Variants in FAM149B1 observed in about 807,000 individuals in gnomAD.
The protein encoded by FAM149B1 is family with sequence similarity 149 member B1.
Under a neutral mutation model 75.3 loss-of-function variants are expected in FAM149B1, and 56 were observed. The ratio of observed to expected loss-of-function variants is 0.74; its 90% confidence interval spans 0.60 to 0.93. FAM149B1 has a LOEUF of 0.93. Among genes scored for constraint, FAM149B1 ranks in the 40% least tolerant of loss-of-function variants. The pLI is 0.00. For synonymous variants in FAM149B1, 259 were observed against 256.1 expected, an observed-to-expected ratio of 1.01 and a Z score of -0.11; for missense variants, 639 against 708.4, an observed-to-expected ratio of 0.90 and a Z score of 1.11.
chr10:73,210,244 G>C lies in FAM149B1; in HGVS notation c.711-7G>C, dbSNP rs1457170621. 1 of 1,547,214 alleles carries C rather than the reference G, an allele frequency of 6.5e-7. No homozygotes were observed. The highest frequency in any genetic ancestry group is 2.0e-5 in the Admixed American group (1 of 50,912). ...CATGAAGTCTTTCCTTCTTGCTTCT[G>C]TTACAGAGAAGAGGGATTTCATGGG... On this transcript the variant is annotated splice_polypyrimidine_tract_variant and splice_region_variant and intron_variant, in intron 6 of 13. Coordinates refer to ENST00000242505, the MANE Select transcript of FAM149B1 (RefSeq NM_173348.2).
At chr10:73,234,648 A>G (rs2043781752) in intron 10 of FAM149B1, 169 bp from the exon 11 acceptor site, 3 of 702,460 alleles carry the variant, frequency 4.3e-6, no homozygotes, top group Non-Finnish European at 6.9e-6. Context: ...ACTATTTTAA[A>G]AACTAATTTT....
rs765205570 is a variant in FAM149B1, at chr10:73,235,180, G to T, written c.1477-13G>T. The stretch of plus-strand genomic sequence containing the variant: ...AGTTTTCACTGTTTCTGTAACTTTT[G>T]TCTCCTCTGCAGAAACCCCATGGCG... On this transcript the variant is annotated splice_polypyrimidine_tract_variant and intron_variant, in intron 11 of 13. Coordinates refer to ENST00000242505, the MANE Select transcript of FAM149B1 (RefSeq NM_173348.2). 2.6e-6 allele frequency: 4 copies of T among 1,551,154 alleles called. No individual in the cohort carries two copies. The highest frequency in any genetic ancestry group is 3.5e-6 in the Non-Finnish European group (4 of 1,146,644).
intron 3 of FAM149B1, among the ~76,000 whole-genome samples, chr10:73,182,819 AC>A (rs1425705470): frequency 6.6e-6 from 1 of 152,214 alleles, no homozygotes; most frequent in East Asian, 1.9e-4. Flanking sequence ...TTCCTGACCC[AC>A]ATAAACCCGG....
chr10:73,173,563 T>C (rs1843807594), intron 1 of FAM149B1, among the ~76,000 whole-genome samples: 1 of 152,222 alleles, frequency 6.6e-6, no homozygotes, highest in Non-Finnish European at 1.5e-5. Flanking sequence ...TGTACCATTA[T>C]ATAAATGGCC....
intron 9 of FAM149B1, among the ~76,000 whole-genome samples, chr10:73,231,733 T>A (rs7086970): frequency 0.049 from 7,414 of 152,214 alleles, 566 homozygotes; most frequent in African/African-American, 0.16. Flanking sequence ...AAAGATGGGT[T>A]TCTTCTGGGG....
intron 5 of FAM149B1, among the ~76,000 whole-genome samples, chr10:73,198,552 C>T (rs1282986122): frequency 6.6e-6 from 1 of 152,136 alleles, no homozygotes; most frequent in Non-Finnish European, 1.5e-5. Context: ...TGCCTGTAAT[C>T]CCAACACTTT....
At chr10:73,201,259 G>A (rs578159912) in intron 5 of FAM149B1, 10 of 230,432 alleles carry the variant, frequency 4.3e-5, no homozygotes, top group African/African-American at 2.1e-4. Flanking sequence ...TGGATGCAGT[G>A]CTCCCTGTTG....
At position 73,205,937 on chromosome 10, in the gene FAM149B1, A is replaced by G. The variant is rs558575364; in HGVS notation, c.543-2682A>G. 1.5e-4 allele frequency among the ~76,000 whole-genome samples: 23 copies of G among 152,344 alleles called. No homozygotes were observed. In the South Asian group the frequency reaches 4.8e-3, roughly 32 times the overall value. ...GGGTATTGCTATAAGGATACCTGAC[A>G]ATGTGGAAGTGACTTTGAAACTGGG... is the stretch of plus-strand genomic sequence containing the variant. On this transcript the variant is annotated intron_variant, in intron 5 of 13. Transcript: ENST00000242505.
intron 5 of FAM149B1, among the ~76,000 whole-genome samples, chr10:73,208,174 T>A (rs1353737099): frequency 6.6e-6 from 1 of 152,224 alleles, no homozygotes; most frequent in East Asian, 1.9e-4. Context: ...TTTAAAAGTG[T>A]GTGGCACCTC....
chr10:73,197,213 G>T (rs185449133), intron 5 of FAM149B1, among the ~76,000 whole-genome samples: 26 of 152,210 alleles, frequency 1.7e-4, no homozygotes, highest in African/African-American at 6.0e-4. Context: ...ATGTTGCCCA[G>T]GCTGGTCTTG....
intron 1 of FAM149B1, among the ~76,000 whole-genome samples, chr10:73,173,288 G>A (rs936017349): frequency 1.3e-5 from 2 of 152,128 alleles, no homozygotes; most frequent in African/African-American, 2.4e-5. Context: ...GGAAAATGAC[G>A]TTGGTACAAT....
chr10:73,232,520 CTT>C (rs2043729667), intron 9 of FAM149B1, among the ~76,000 whole-genome samples: 1 of 152,220 alleles, frequency 6.6e-6, no homozygotes, highest in African/African-American at 2.4e-5. Context: ...CAATATTTGT[CTT>C]TCAGTTGTCT....
chr10:73,170,885 G>A (rs1843681555), intron 1 of FAM149B1, among the ~76,000 whole-genome samples: 1 of 151,764 alleles, frequency 6.6e-6, no homozygotes, highest in Non-Finnish European at 1.5e-5. Context: ...CATTCTGAAA[G>A]TTAAAAAAAA....
intron 7 of FAM149B1, among the ~76,000 whole-genome samples, chr10:73,221,644 G>A (rs984525784): frequency 6.6e-6 from 1 of 151,942 alleles, no homozygotes; most frequent in African/African-American, 2.4e-5. Flanking sequence ...TCTTCTGCCT[G>A]GAGTTTGTTT....
chr10:73,205,046 C>T (rs2043025304), intron 5 of FAM149B1, among the ~76,000 whole-genome samples: 2 of 136,542 alleles, frequency 1.5e-5, no homozygotes, highest in South Asian at 4.8e-4. Flanking sequence ...ATCTCCTGAC[C>T]TTGTGATCCG....
In FAM149B1 at chr10:73,237,966, T is replaced by TA. The variant is rs140492282; in HGVS notation, c.1603-1337dup. The stretch of plus-strand genomic sequence containing the variant: ...GTTTCAGTCTTCTCTTTAAGTTTAT[T>TA]AAAAAAAAAGTAAAAATTACTTACC... On this transcript the variant is annotated intron_variant, in intron 12 of 13. Transcript: ENST00000242505. 7.1e-3 allele frequency among the ~76,000 whole-genome samples: 1,079 copies of TA among 151,384 alleles called. 19 individuals carry two copies. Among genetic ancestry groups the TA allele is most frequent in the African/African-American group, 0.024 (988 of 41,228 alleles).
At chr10:73,191,754 A>G (rs573885244) in intron 3 of FAM149B1, among the ~76,000 whole-genome samples, 1 of 152,338 alleles carries the variant, frequency 6.6e-6, no homozygotes, top group African/African-American at 2.4e-5. Context: ...AAAATAGTGA[A>G]ACCAAGCAAC....
rs2043981871 is a variant in FAM149B1 at position 73,244,090 on chromosome 10, A to G, written c.*3071A>G. ...CTATGTCATTCATTAAATGGCAACAATGCTGACAGCAAGCAGTAGATCCTC... is the reference window on the plus strand; with the variant it reads ...CTATGTCATTCATTAAATGGCAACAGTGCTGACAGCAAGCAGTAGATCCTC... On this transcript the variant is annotated 3_prime_UTR_variant, in exon 14 of 14. Coordinates refer to ENST00000242505, the MANE Select transcript of FAM149B1 (RefSeq NM_173348.2). The G allele has an allele frequency of 1.6e-6, 1 of 607,520 alleles. No individual in the cohort carries two copies. The highest frequency in any genetic ancestry group is 1.9e-5 in the African/African-American group (1 of 52,622). 37.6% of individuals were successfully genotyped at this position (607,520 alleles called of 1,614,324 possible).
At chr10:73,199,456 G>A (rs1381216142) in intron 5 of FAM149B1, among the ~76,000 whole-genome samples, 2 of 151,892 alleles carry the variant, frequency 1.3e-5, no homozygotes, top group Admixed American at 6.6e-5. Context: ...TGACCTCATG[G>A]TCCACCCTCC....
Sources: allele counts gnomAD v4.1 joint callset (sites outside exome capture counted in the v4.1 genomes callset), GRCh38; gene constraint gnomAD v4.1.1; transcripts MANE v1.5; gene names NCBI Gene and HGNC (gene_info 2026-07-23, HGNC 2026-07-21).